RAD54B: variants seen among roughly 807,000 people sequenced by gnomAD.
RAD54B encodes the protein DNA repair and recombination protein RAD54B.
In RAD54B, 78 loss-of-function variants were observed where a neutral mutation model predicts 95.8. The ratio of observed to expected loss-of-function variants is 0.81; its 90% CI spans 0.68 to 0.98. The LOEUF (loss-of-function observed/expected upper bound fraction) is 0.98. Ranked by LOEUF, RAD54B falls within the 50% of genes least tolerant of loss-of-function variation. RAD54B has a pLI of 0.00. For missense variants in RAD54B, 957 were observed against 1,056.6 expected, an observed-to-expected ratio of 0.91 and a Z score of 1.31; for synonymous variants, 328 against 354.9, an observed-to-expected ratio of 0.92 and a Z score of 0.85.
At chr8:94,414,115 C>T (rs371072288) in intron 3 of RAD54B, among the ~76,000 whole-genome samples, 1 of 152,006 alleles carries the variant, frequency 6.6e-6, no homozygotes, top group Non-Finnish European at 1.5e-5. Context: ...GGATTACAGG[C>T]GTGAGCCACT....
intron 14 of RAD54B, among the ~76,000 whole-genome samples, chr8:94,376,256 T>G (rs1264895733): frequency 2.0e-5 from 3 of 152,040 alleles, no homozygotes; most frequent in African/African-American, 4.8e-5. Flanking sequence ...CAGAGTTCAG[T>G]AACAAAAACT....
At chr8:94,464,099 C>T (rs1256259253) in intron 2 of RAD54B, among the ~76,000 whole-genome samples, 1 of 152,026 alleles carries the variant, frequency 6.6e-6, no homozygotes, top group Non-Finnish European at 1.5e-5. Context: ...GGCAGAATAA[C>T]GGCTCCCAAA....
intron 9 of RAD54B, 141 bp downstream of exon 9, chr8:94,393,602 G>A: frequency 2.8e-6 from 2 of 726,866 alleles, no homozygotes; most frequent in Non-Finnish European, 4.4e-6. Context: ...TCTAAAATAA[G>A]GAATGCAAGA....
chr8:94,430,878 AT>A, intron 3 of RAD54B: 1 of 985,338 alleles, frequency 1.0e-6, no homozygotes, highest in African/African-American at 1.7e-5. Context: ...TACAGCCCAA[AT>A]TGACTCTCTC....
intron 8 of RAD54B, among the ~76,000 whole-genome samples, chr8:94,395,267 AT>A (rs1478833163): frequency 8.5e-5 from 13 of 152,250 alleles, no homozygotes; most frequent in African/African-American, 3.1e-4. Context: ...TTTGCATGTG[AT>A]TTACAGAGGG....
intron 3 of RAD54B, among the ~76,000 whole-genome samples, chr8:94,434,089 T>C (rs1563655862): frequency 6.6e-6 from 1 of 151,852 alleles, no homozygotes; most frequent in Non-Finnish European, 1.5e-5. Context: ...AAACAATTAA[T>C]TATAAATGTA....
In RAD54B at chr8:94,470,594, T is replaced by TA. The variant is rs58169172; in HGVS notation, c.-16-3040dup. 6.9e-4 allele frequency among the ~76,000 whole-genome samples: 89 copies of TA among 129,370 alleles called. 1 individual carries two copies. The highest frequency in any genetic ancestry group is 2.8e-3 in the Admixed American group (36 of 12,992). 84.9% of individuals were successfully genotyped at this position (129,370 alleles called of 152,430 possible). ...TGGGAAACAAGAGCGAAACTTCGTC[T>TA]AAAAAAAAAAAAAATTAGCCAAGTG... On this transcript the variant is annotated intron_variant, in intron 1 of 14. Transcript: ENST00000336148.
rs531624524 is a variant in RAD54B at position 94,442,491 on chromosome 8, C to T, written c.304+15777G>A. On this transcript the variant is annotated intron_variant, in intron 3 of 14. Transcript: ENST00000336148. ...TCGGGAGGCTGAAGCAGGAGAATGG[C>T]GTGAACCCGGGAGGCGGAGCTTGCA... 2.4e-4 allele frequency among the ~76,000 whole-genome samples: 36 copies of T among 149,640 alleles called. No individual in the cohort carries two copies. The Middle Eastern group carries it at 0.014, about 58-fold the overall frequency.
At chr8:94,372,909 C>G (rs1295323679) in intron 14 of RAD54B, 1 of 152,042 alleles carries the variant, frequency 6.6e-6, no homozygotes, top group Non-Finnish European at 1.5e-5. Flanking sequence ...GAAAAAAAAA[C>G]CTTTTGAGCT....
intron 1 of RAD54B, among the ~76,000 whole-genome samples, chr8:94,473,884 T>A (rs1813228632): frequency 6.6e-6 from 1 of 152,198 alleles, no homozygotes; most frequent in Admixed American, 6.5e-5. Flanking sequence ...TTTAGGACGG[T>A]GTCACTTAGA....
intron 3 of RAD54B, among the ~76,000 whole-genome samples, chr8:94,434,338 A>G (rs1053905073): frequency 6.6e-6 from 1 of 151,902 alleles, no homozygotes; most frequent in Non-Finnish European, 1.5e-5. Flanking sequence ...GCATAACAAT[A>G]TAAAAAGGGA....
chr8:94,435,562 T>A (rs1812232406), intron 3 of RAD54B, among the ~76,000 whole-genome samples: 1 of 152,218 alleles, frequency 6.6e-6, no homozygotes, highest in East Asian at 1.9e-4. Flanking sequence ...TAAATTACCC[T>A]AAATGGTTCA....
chr8:94,418,564 T>A (rs979060035), intron 3 of RAD54B, among the ~76,000 whole-genome samples: 3 of 152,204 alleles, frequency 2.0e-5, no homozygotes, highest in African/African-American at 7.2e-5. Context: ...ACAATCAGGA[T>A]ATAGAATCGT....
At position 94,464,622 on chromosome 8, in the gene RAD54B, G is replaced by A. The variant is rs1054819122; in HGVS notation, c.135+2783C>T. On this transcript the variant is annotated intron_variant, in intron 2 of 14. Transcript: ENST00000336148. ...TGAAAATGTTCTAAAATTGATTGTG[G>A]AGATGGCTGCACAATTCTGTGAATA... Among the ~76,000 whole-genome samples, 12 of 152,264 alleles carry A rather than the reference G, an allele frequency of 7.9e-5. No homozygotes were observed. The South Asian group carries it at 2.3e-3, about 29-fold the overall frequency.
intron 3 of RAD54B, chr8:94,428,127 AAGAT>A: frequency 1.1e-6 from 1 of 898,074 alleles, no homozygotes; most frequent in Non-Finnish European, 1.3e-6. Context: ...GGATAAGAGA[AAGAT>A]AGGAAAGTGG....
intron 14 of RAD54B, chr8:94,373,194 G>A (rs1191377979): frequency 6.6e-6 from 1 of 152,170 alleles, no homozygotes; most frequent in Non-Finnish European, 1.5e-5. Flanking sequence ...CAATTGATAC[G>A]AGCCTATGCA....
In RAD54B at chr8:94,424,337, G is replaced by A. The variant is rs920348811; in HGVS notation, c.305-13022C>T. Among the ~76,000 whole-genome samples, 5 of 152,044 alleles carry A rather than the reference G, an allele frequency of 3.3e-5. No homozygotes were observed. In the South Asian group the frequency reaches 6.2e-4, roughly 19 times the overall value. On this transcript the variant is annotated intron_variant, in intron 3 of 14. Transcript: ENST00000336148. Reference sequence around the variant, plus strand: ...TGAATATAATACTAATACTTACCTCGCAAACCTACTGTGAGCAAGGATTAG... The same window carrying A: ...TGAATATAATACTAATACTTACCTCACAAACCTACTGTGAGCAAGGATTAG...
At chr8:94,430,041 C>T (rs1812047778) in intron 3 of RAD54B, 8 of 984,860 alleles carry the variant, frequency 8.1e-6, no homozygotes, top group East Asian at 1.1e-4. Context: ...AGGCTGGGCA[C>T]GGTGGCTCAA....
intron 1 of RAD54B, among the ~76,000 whole-genome samples, chr8:94,473,987 G>GATTA (rs1158765329): frequency 1.3e-5 from 2 of 152,180 alleles, no homozygotes; most frequent in Non-Finnish European, 2.9e-5. Flanking sequence ...CCCAACTGTA[G>GATTA]ATTAAGGTAA....
Sources: gnomAD v4.1 joint callset for allele counts (sites outside exome capture counted in the v4.1 genomes callset) on GRCh38, gnomAD v4.1.1 for gene constraint, MANE v1.5 for transcripts, NCBI Gene and HGNC (gene_info 2026-07-23, HGNC 2026-07-21) for gene names.